KHDRBS2: variants seen among roughly 807,000 people sequenced by gnomAD.
KHDRBS2 encodes the protein KH RNA binding domain containing, signal transduction associated 2, also known as KH domain-containing, RNA-binding, signal transduction-associated protein 2.
In KHDRBS2, 26 loss-of-function variants were observed where a neutral mutation model predicts 44.3. That is an observed-to-expected ratio of 0.59 (90% CI 0.43 to 0.81). The LOEUF is 0.81. Ranked by LOEUF, KHDRBS2 falls within the 40% of genes least tolerant of loss-of-function variation. The pLI is 0.00. For missense variants in KHDRBS2, 476 were observed against 433.1 expected, an observed-to-expected ratio of 1.10 and a Z score of -0.88; for synonymous variants, 194 against 151.1, an observed-to-expected ratio of 1.28 and a Z score of -2.08.
chr6:61,652,761 A>G, the KHDRBS2 span, among the ~76,000 whole-genome samples: 1 of 152,074 alleles, frequency 6.6e-6, no homozygotes, highest in Non-Finnish European at 1.5e-5. Context: ...GTGGGTGACC[A>G]AAATGCCCAT....
intron 7 of KHDRBS2, among the ~76,000 whole-genome samples, chr6:61,703,132 T>C (rs758948504): frequency 1.3e-5 from 2 of 151,854 alleles, no homozygotes; most frequent in African/African-American, 2.4e-5. Context: ...AATAACCAGG[T>C]TGTATTTATA....
At chr6:62,244,408 GCT>G (rs1835216966) in intron 1 of KHDRBS2, among the ~76,000 whole-genome samples, 1 of 152,044 alleles carries the variant, frequency 6.6e-6, no homozygotes, top group South Asian at 2.1e-4. Context: ...ATCTGCCCGT[GCT>G]CCTAGTTCTG....
intron 6 of KHDRBS2, among the ~76,000 whole-genome samples, chr6:61,770,471 C>A (rs1415413947): frequency 6.6e-6 from 1 of 151,960 alleles, no homozygotes; most frequent in African/African-American, 2.4e-5. Flanking sequence ...GTAGAATAAC[C>A]AATGCAGAGA....
At chr6:61,728,862 G>A (rs1031437224) in intron 7 of KHDRBS2, among the ~76,000 whole-genome samples, 1 of 151,770 alleles carries the variant, frequency 6.6e-6, no homozygotes, top group African/African-American at 2.4e-5. Flanking sequence ...TTAAGTTCAG[G>A]GATACAAGTG....
chr6:61,626,039 A>C, the KHDRBS2 span, among the ~76,000 whole-genome samples: 1 of 152,220 alleles, frequency 6.6e-6, no homozygotes, highest in Admixed American at 6.5e-5. Context: ...ACATGTCCAT[A>C]ATCTATTAAT....
At chr6:61,735,410 A>G (rs1775179885) in intron 6 of KHDRBS2, among the ~76,000 whole-genome samples, 3 of 152,166 alleles carry the variant, frequency 2.0e-5, no homozygotes, top group Non-Finnish European at 4.4e-5. Flanking sequence ...ATAAATTCAC[A>G]TTACTGTGAA....
the KHDRBS2 span, among the ~76,000 whole-genome samples, chr6:61,648,391 G>A: frequency 3.3e-5 from 5 of 152,108 alleles, no homozygotes; most frequent in Admixed American, 1.3e-4. Context: ...TCATGAAAAT[G>A]AAAAGTATCC....
At chr6:61,820,137 A>G (rs1437687744) in intron 6 of KHDRBS2, among the ~76,000 whole-genome samples, 3 of 152,024 alleles carry the variant, frequency 2.0e-5, no homozygotes, top group Non-Finnish European at 4.4e-5. Flanking sequence ...AAGTTAATGG[A>G]GATGCTAGCA....
At chr6:62,015,639 T>A (rs2081423156) in intron 3 of KHDRBS2, among the ~76,000 whole-genome samples, 1 of 152,066 alleles carries the variant, frequency 6.6e-6, no homozygotes, top group African/African-American at 2.4e-5. Context: ...TAACTCCACC[T>A]CTAGTTTCAT....
At chr6:61,978,388 T>A (rs1773156431) in intron 3 of KHDRBS2, among the ~76,000 whole-genome samples, 176 bp from the exon 4 acceptor site, 2 of 152,128 alleles carry the variant, frequency 1.3e-5, no homozygotes, top group South Asian at 4.1e-4. Context: ...TTTAAAGATT[T>A]TAAAATCATT....
At chr6:61,637,638 A>G in the KHDRBS2 span, among the ~76,000 whole-genome samples, 1 of 152,128 alleles carries the variant, frequency 6.6e-6, no homozygotes, top group Non-Finnish European at 1.5e-5. Context: ...GAACTAGTTT[A>G]CAGTCCCACC....
chr6:61,701,123 T>C (rs1463353365), intron 7 of KHDRBS2, among the ~76,000 whole-genome samples: 4 of 151,996 alleles, frequency 2.6e-5, no homozygotes, highest in African/African-American at 7.2e-5. Context: ...CAGTGACAAC[T>C]TGGAAAGCAG....
intron 2 of KHDRBS2, among the ~76,000 whole-genome samples, chr6:62,062,259 A>G (rs1346811340): frequency 2.0e-5 from 3 of 148,888 alleles, no homozygotes; most frequent in Non-Finnish European, 4.5e-5. Flanking sequence ...AATTGAACTC[A>G]GCTCTGCACC....
At chr6:62,223,301 G>T (rs1343463121) in intron 1 of KHDRBS2, among the ~76,000 whole-genome samples, 3 of 152,204 alleles carry the variant, frequency 2.0e-5, no homozygotes, top group Non-Finnish European at 4.4e-5. Flanking sequence ...CTCTGCATTA[G>T]CCCCTTTCAG....
chr6:62,093,844 T>G (rs1278935906), intron 2 of KHDRBS2, among the ~76,000 whole-genome samples: 1 of 142,254 alleles, frequency 7.0e-6, no homozygotes, highest in East Asian at 2.1e-4. Flanking sequence ...TGGTGAATAG[T>G]ATTCCATTGT....
chr6:62,021,344 C>A (rs919190490), intron 3 of KHDRBS2, among the ~76,000 whole-genome samples: 1 of 151,814 alleles, frequency 6.6e-6, no homozygotes, highest in African/African-American at 2.4e-5. Flanking sequence ...ACAATATGTA[C>A]AACAAATTCC....
intron 1 of KHDRBS2, among the ~76,000 whole-genome samples, chr6:62,220,781 G>A (rs1280779702): frequency 2.0e-5 from 3 of 151,632 alleles, no homozygotes; most frequent in Non-Finnish European, 4.4e-5. Context: ...CATCAAACAA[G>A]TAAGACAAAT....
intron 6 of KHDRBS2, among the ~76,000 whole-genome samples, chr6:61,889,671 G>T (rs1406045455): frequency 3.3e-5 from 5 of 152,136 alleles, no homozygotes; most frequent in Admixed American, 3.3e-4. Flanking sequence ...CCACCCGCAT[G>T]TTCTATTATC....
At chr6:61,897,961 T>A (rs1215287540) in intron 5 of KHDRBS2, among the ~76,000 whole-genome samples, 2 of 152,188 alleles carry the variant, frequency 1.3e-5, no homozygotes, top group Non-Finnish European at 2.9e-5. Context: ...ATATTTTCAT[T>A]CATCAATTAT....
Sources: gnomAD v4.1 joint callset for allele counts (sites outside exome capture counted in the v4.1 genomes callset) on GRCh38, gnomAD v4.1.1 for gene constraint, MANE v1.5 for transcripts, NCBI Gene and HGNC (gene_info 2026-07-23, HGNC 2026-07-21) for gene names.